The following ROBO2 variants were observed in gnomAD, a reference collection of about 807,000 sequenced individuals.
ROBO2 encodes the protein roundabout guidance receptor 2, also known as roundabout homolog 2.
A neutral mutation model predicts 160.8 loss-of-function variants in ROBO2; 53 were observed. The ratio of observed to expected loss-of-function variants is 0.33; its 90% CI spans 0.26 to 0.41. The LOEUF (loss-of-function observed/expected upper bound fraction) is 0.41, where lower values mean the gene tolerates loss of function less well. Ranked by LOEUF, ROBO2 falls within the 10% of genes least tolerant of loss-of-function variation. The probability of loss-of-function intolerance (pLI) is 1.00; values close to 1 mark genes in which losing one functional copy is unlikely to be tolerated. For missense variants in ROBO2, 1,577 were observed against 1,722.4 expected (o/e 0.92, Z 1.49); for synonymous variants, 664 against 611.7 (o/e 1.09, Z -1.26).
At chr3:77,544,168 G>A (rs188925662) in intron 6 of ROBO2, among the ~76,000 whole-genome samples, 293 of 150,612 alleles carry the variant, frequency 1.9e-3, no homozygotes, top group Non-Finnish European at 3.7e-3. Flanking sequence ...TGAAAAAATG[G>A]TCACTGCAGT....
chr3:77,342,782 C>A lies in ROBO2; in HGVS notation c.389-134632C>A, dbSNP rs1253788991. On this transcript the variant is annotated intron_variant, in intron 2 of 25. Coordinates refer to ENST00000461745, the Ensembl canonical transcript of ROBO2. Reference sequence around the variant, plus strand: ...GTTGCAAGTACCTTTATGTTGGAGACCGTTTTACCTTATACCTTTATGTAA... The same window carrying A: ...GTTGCAAGTACCTTTATGTTGGAGAACGTTTTACCTTATACCTTTATGTAA... Among the ~76,000 whole-genome samples, 3 of 152,150 alleles carry A rather than the reference C, an allele frequency of 2.0e-5. No individual in the cohort carries two copies. The East Asian group carries it at 5.8e-4, about 29-fold the overall frequency.
At chr3:77,306,101 A>T (rs2063074316) in intron 2 of ROBO2, among the ~76,000 whole-genome samples, 1 of 152,158 alleles carries the variant, frequency 6.6e-6, no homozygotes. Context: ...ATATTGAATG[A>T]TAATAAATAT....
At chr3:77,364,417 C>T (rs2070518234) in intron 2 of ROBO2, among the ~76,000 whole-genome samples, 1 of 152,038 alleles carries the variant, frequency 6.6e-6, no homozygotes, top group Non-Finnish European at 1.5e-5. Context: ...AAAGTGGCCT[C>T]TTTCATTATT....
chr3:76,108,125 C>G (rs2070030565), intron 2 of ROBO2, among the ~76,000 whole-genome samples: 1 of 152,088 alleles, frequency 6.6e-6, no homozygotes, highest in South Asian at 2.1e-4. Flanking sequence ...CTCAATCTTT[C>G]TGACTTTGTA....
At chr3:77,302,848 A>G (rs1248677431) in intron 2 of ROBO2, among the ~76,000 whole-genome samples, 1 of 152,162 alleles carries the variant, frequency 6.6e-6, no homozygotes, top group African/African-American at 2.4e-5. Context: ...AAATTTCATC[A>G]TTTATTTCCC....
At chr3:76,854,553 T>G (rs2069830250) in intron 2 of ROBO2, among the ~76,000 whole-genome samples, 1 of 152,198 alleles carries the variant, frequency 6.6e-6, no homozygotes, top group Admixed American at 6.5e-5. Flanking sequence ...TGGGGATATA[T>G]TCAATGAATC....
At chr3:76,773,357 T>C (rs80105900) in intron 2 of ROBO2, among the ~76,000 whole-genome samples, 3,006 of 150,952 alleles carry the variant, frequency 0.02, 102 homozygotes, top group African/African-American at 0.068. Flanking sequence ...CTAAGAGTGG[T>C]CAGTCAGTCA....
At chr3:76,408,982 T>C (rs1463960023) in intron 2 of ROBO2, among the ~76,000 whole-genome samples, 2 of 151,892 alleles carry the variant, frequency 1.3e-5, no homozygotes, top group African/African-American at 4.8e-5. Flanking sequence ...TACACTAGGG[T>C]GTAGAAAATT....
chr3:77,489,028 A>G (rs1428548984), intron 4 of ROBO2, among the ~76,000 whole-genome samples: 1 of 152,202 alleles, frequency 6.6e-6, no homozygotes, highest in Non-Finnish European at 1.5e-5. Context: ...AACAGAAAAC[A>G]ATTGGAATAA....
At chr3:76,634,533 A>T (rs1206465162) in intron 2 of ROBO2, among the ~76,000 whole-genome samples, 1 of 151,412 alleles carries the variant, frequency 6.6e-6, no homozygotes, top group Non-Finnish European at 1.5e-5. Context: ...GCGCCACTGC[A>T]CTCCAGCCTG....
intron 2 of ROBO2, among the ~76,000 whole-genome samples, chr3:77,150,702 A>G (rs2077478887): frequency 6.6e-6 from 1 of 152,068 alleles, no homozygotes; most frequent in Admixed American, 6.6e-5. Context: ...AAATTTGCCT[A>G]CATGAATAAA....
At chr3:76,249,637 C>T (rs575887178) in intron 2 of ROBO2, among the ~76,000 whole-genome samples, 17 of 152,134 alleles carry the variant, frequency 1.1e-4, no homozygotes, top group African/African-American at 3.6e-4. Flanking sequence ...GTTTGATGAG[C>T]GTGGTCACAG....
At chr3:76,303,788 G>A (rs1017016630) in intron 2 of ROBO2, among the ~76,000 whole-genome samples, 6 of 152,174 alleles carry the variant, frequency 3.9e-5, no homozygotes, top group Non-Finnish European at 8.8e-5. Flanking sequence ...CTCATTTGAA[G>A]GTTCAACTAA....
intron 2 of ROBO2, among the ~76,000 whole-genome samples, chr3:76,146,718 G>A (rs998025342): frequency 4.0e-5 from 6 of 149,596 alleles, no homozygotes; most frequent in Non-Finnish European, 6.0e-5. Flanking sequence ...GTGTGTGTGT[G>A]TGTGTGTGTC....
At chr3:76,127,161 C>T (rs1479685171) in intron 2 of ROBO2, among the ~76,000 whole-genome samples, 1 of 152,142 alleles carries the variant, frequency 6.6e-6, no homozygotes, top group East Asian at 1.9e-4. Context: ...GTGGGACAGT[C>T]TGTAAGCCTT....
chr3:76,634,380 C>T (rs2090195321), intron 2 of ROBO2, among the ~76,000 whole-genome samples: 1 of 152,056 alleles, frequency 6.6e-6, no homozygotes, highest in South Asian at 2.1e-4. Flanking sequence ...CCAGCCTGGC[C>T]AACATGGTGA....
intron 2 of ROBO2, among the ~76,000 whole-genome samples, chr3:76,783,464 T>G (rs1051915318): frequency 6.0e-5 from 9 of 150,890 alleles, no homozygotes; most frequent in African/African-American, 2.2e-4. Flanking sequence ...CTCTTTCATT[T>G]CTGAAGAATA....
At chr3:77,613,557 T>TA (rs1385267077) in intron 21 of ROBO2, among the ~76,000 whole-genome samples, 2 of 152,180 alleles carry the variant, frequency 1.3e-5, no homozygotes, top group East Asian at 3.8e-4. Flanking sequence ...AGCCTCCTCT[T>TA]ACGTATTTCT....
Position 76,587,912 on chromosome 3 carries a change from C to T in ROBO2, c.110-510102C>T, listed in dbSNP as rs113445748. On this transcript the variant is annotated intron_variant, in intron 2 of 26. Coordinates refer to the ROBO2 transcript ENST00000487694. ...GAGATGATCATCTCTTCTCTACCCA[C>T]TTATCCTGGACAATTCCACCTAATT... is the stretch of plus-strand genomic sequence containing the variant. 4.4e-3 allele frequency among the ~76,000 whole-genome samples: 674 copies of T among 152,282 alleles called. 3 individuals are homozygous for T. Among genetic ancestry groups the T allele is most frequent in the Non-Finnish European group, 7.3e-3 (499 of 68,026 alleles).
Sources: gnomAD v4.1 joint callset for allele counts (sites outside exome capture counted in the v4.1 genomes callset) on GRCh38, gnomAD v4.1.1 for gene constraint, MANE v1.5 for transcripts, NCBI Gene and HGNC (gene_info 2026-07-23, HGNC 2026-07-21) for gene names.